The following PRKCA variants were observed in gnomAD, a reference collection of about 807,000 sequenced individuals.
The protein encoded by PRKCA is protein kinase C alpha type.
PRKCA carries 27 observed loss-of-function variants against 87.0 expected under a neutral mutation model. The ratio of observed to expected loss-of-function variants is 0.31; its 90% CI spans 0.23 to 0.43. The LOEUF is 0.43. Among genes scored for constraint, PRKCA ranks in the 20% least tolerant of loss-of-function variants. PRKCA has a pLI of 1.00. For missense variants in PRKCA, 518 were observed against 852.3 expected (o/e 0.61, Z 4.88); for synonymous variants, 329 against 311.1 (o/e 1.06, Z -0.61).
At chr17:66,711,373 C>T (rs920158287) in intron 8 of PRKCA, among the ~76,000 whole-genome samples, 1 of 152,162 alleles carries the variant, frequency 6.6e-6, no homozygotes, top group Non-Finnish European at 1.5e-5. Context: ...TTCTGATGTT[C>T]TTAATGCCTG....
At chr17:66,634,610 C>A (rs932278738) in intron 3 of PRKCA, among the ~76,000 whole-genome samples, 1 of 152,126 alleles carries the variant, frequency 6.6e-6, no homozygotes, top group Non-Finnish European at 1.5e-5. Flanking sequence ...TAAAAGTGTG[C>A]TTTGTTAAGG....
At chr17:66,492,057 A>G (rs992060860) in intron 2 of PRKCA, among the ~76,000 whole-genome samples, 16 of 152,326 alleles carry the variant, frequency 1.1e-4, no homozygotes, top group African/African-American at 3.6e-4. Flanking sequence ...TTTGGAGATC[A>G]TCCATTCTGA....
chr17:66,306,493 C>G (rs918526382), intron 2 of PRKCA: 2 of 206,668 alleles, frequency 9.7e-6, no homozygotes, highest in Admixed American at 5.5e-5. Context: ...ATCGCTTTTA[C>G]TTATGTATTG....
intron 2 of PRKCA, among the ~76,000 whole-genome samples, chr17:66,488,440 T>C (rs1916081615): frequency 6.6e-6 from 1 of 152,196 alleles, no homozygotes; most frequent in Non-Finnish European, 1.5e-5. Flanking sequence ...AGTTTCATCA[T>C]AAGGCTCACC....
intron 2 of PRKCA, among the ~76,000 whole-genome samples, chr17:66,317,619 T>G (rs962596955): frequency 3.3e-5 from 5 of 152,136 alleles, no homozygotes; most frequent in Admixed American, 2.6e-4. Context: ...TCTCAACTTA[T>G]CTCTTCATTT....
Position 66,803,157 on chromosome 17 carries a change from G to A in PRKCA, c.1855-716G>A, listed in dbSNP as rs753105517. Among the ~76,000 whole-genome samples the A allele has an allele frequency of 1.3e-5, 2 of 152,140 alleles. No individual in the cohort carries two copies. Among genetic ancestry groups the A allele is most frequent in the Non-Finnish European group, 1.5e-5 (1 of 68,024 alleles). On this transcript the variant is annotated intron_variant, in intron 16 of 16. Transcript: ENST00000413366. The surrounding 1 kb of genome is among the most constrained non-coding windows in gnomAD (Gnocchi z 4.4). ...AGGAGAGGAACAGCCGAGACAGCAG[G>A]CCTCTCCCTGCCTCCCCAGGGCGCC...
At chr17:66,590,033 G>A (rs915029947) in intron 3 of PRKCA, among the ~76,000 whole-genome samples, 6 of 152,088 alleles carry the variant, frequency 3.9e-5, no homozygotes, top group Admixed American at 1.3e-4. Context: ...CTTGCCCGCC[G>A]CTCACCTCCT....
chr17:66,415,235 C>T (rs1202766534), intron 2 of PRKCA: 3 of 152,072 alleles, frequency 2.0e-5, no homozygotes, highest in Non-Finnish European at 2.9e-5. Context: ...CTAAAAGATG[C>T]TGTCATTGAA....
At chr17:66,527,239 T>C (rs1158949185) in intron 3 of PRKCA, among the ~76,000 whole-genome samples, 1 of 147,462 alleles carries the variant, frequency 6.8e-6, no homozygotes, top group Non-Finnish European at 1.5e-5. Flanking sequence ...CCTTTTAGGA[T>C]TTTCCTACTG....
chr17:66,566,477 TTGG>T (rs1489097841), intron 3 of PRKCA, among the ~76,000 whole-genome samples: 9 of 127,044 alleles, frequency 7.1e-5, no homozygotes, highest in African/African-American at 1.8e-4. Context: ...TTGTTGTTTT[TTGG>T]TTTTTTTTTT....
At chr17:66,458,554 C>G (rs1199986751) in intron 2 of PRKCA, among the ~76,000 whole-genome samples, 1 of 151,868 alleles carries the variant, frequency 6.6e-6, no homozygotes, top group Non-Finnish European at 1.5e-5. Flanking sequence ...ACTCTCAGCT[C>G]ACTACAACCT....
rs147484541 is a variant in PRKCA at position 66,314,656 on chromosome 17, A to G, written c.205+8529A>G. ...GCAGTAGGTAGTTAGGAAATAAACC[A>G]TAAGGATGTAAATATGAGACATGAG... is the stretch of plus-strand genomic sequence containing the variant. On this transcript the variant is annotated intron_variant, in intron 2 of 16. Coordinates refer to ENST00000413366, the MANE Select transcript of PRKCA (RefSeq NM_002737.3). Among the ~76,000 whole-genome samples the G allele has an allele frequency of 3.7e-3, 557 of 152,298 alleles. 4 individuals carry two copies. Among genetic ancestry groups the G allele is most frequent in the African/African-American group, 0.012 (504 of 41,560 alleles).
chr17:66,734,042 G>A (rs190765252), intron 9 of PRKCA, among the ~76,000 whole-genome samples: 29 of 152,304 alleles, frequency 1.9e-4, no homozygotes, highest in Admixed American at 8.5e-4. Context: ...TAGCGAGAGT[G>A]GTTTATCTTG....
At chr17:66,322,981 A>G (rs1598590403) in intron 2 of PRKCA, among the ~76,000 whole-genome samples, 2 of 152,222 alleles carry the variant, frequency 1.3e-5, no homozygotes, top group Admixed American at 6.5e-5. Flanking sequence ...AGTAATCACT[A>G]TTATGACTTT....
At chr17:66,395,926 C>A (rs1438557328) in intron 2 of PRKCA, among the ~76,000 whole-genome samples, 1 of 152,088 alleles carries the variant, frequency 6.6e-6, no homozygotes, top group Admixed American at 6.5e-5. Context: ...CCTTCTTTTT[C>A]ACTCTTTCCT....
At chr17:66,802,509 A>G (rs1210037281) in intron 16 of PRKCA, among the ~76,000 whole-genome samples, 1 of 151,798 alleles carries the variant, frequency 6.6e-6, no homozygotes, top group African/African-American at 2.4e-5. Flanking sequence ...TGGGCGACAG[A>G]GCAAGACTCC....
At chr17:66,419,471 G>T (rs1048794456) in intron 2 of PRKCA, among the ~76,000 whole-genome samples, 2 of 152,030 alleles carry the variant, frequency 1.3e-5, no homozygotes, top group Admixed American at 6.6e-5. Context: ...CACCAAAAAC[G>T]AAATAATAGT....
intron 8 of PRKCA, among the ~76,000 whole-genome samples, chr17:66,708,858 T>C (rs1973251182): frequency 6.6e-6 from 1 of 152,186 alleles, no homozygotes; most frequent in African/African-American, 2.4e-5. Flanking sequence ...CCCTTTAATC[T>C]TGATGTGGAT....
intron 13 of PRKCA, among the ~76,000 whole-genome samples, chr17:66,745,814 G>A (rs928958900): frequency 1.3e-5 from 2 of 152,158 alleles, no homozygotes; most frequent in African/African-American, 2.4e-5. Flanking sequence ...CTAAGGCCAC[G>A]TTACTGAGAA....
Sources: allele counts gnomAD v4.1 joint callset (sites outside exome capture counted in the v4.1 genomes callset), GRCh38; gene constraint gnomAD v4.1.1; non-coding constraint Gnocchi (gnomAD v3.1); transcripts MANE v1.5; gene names NCBI Gene and HGNC (gene_info 2026-07-23, HGNC 2026-07-21).